KDM1A: variants seen among roughly 807,000 people sequenced by gnomAD.
KDM1A encodes lysine-specific histone demethylase 1A.
In KDM1A, 49 loss-of-function variants were observed where a neutral mutation model predicts 109.4. That is an observed-to-expected ratio of 0.45 (90% confidence interval 0.36 to 0.57). The LOEUF is 0.57. Among genes scored for constraint, KDM1A ranks in the 20% least tolerant of loss-of-function variants. KDM1A has a pLI of 0.00. For missense variants in KDM1A, 668 were observed against 1,116.6 expected (o/e 0.60, Z 5.73); for synonymous variants, 380 against 415.4 (o/e 0.91, Z 1.04).
intron 14 of KDM1A, among the ~76,000 whole-genome samples, chr1:23,072,919 C>T (rs1457366073): frequency 2.6e-5 from 4 of 152,204 alleles, no homozygotes; most frequent in Admixed American, 2.6e-4. Flanking sequence ...GGATTACAGG[C>T]ATGAGCCACA....
chr1:23,069,306 G>C (rs1363615539), intron 12 of KDM1A, among the ~76,000 whole-genome samples, 155 bp downstream of exon 12: 6 of 152,160 alleles, frequency 3.9e-5, no homozygotes, highest in Non-Finnish European at 5.9e-5. Flanking sequence ...TAACGAAAGA[G>C]ACTGTTTTAT....
rs1643567411 is a variant in KDM1A at position 23,079,814 on chromosome 1, T to C, written c.2170+147T>C. On this transcript the variant is annotated intron_variant, in intron 18 of 20. Transcript: ENST00000400181. The surrounding 1 kb of genome is among the most constrained non-coding windows in gnomAD (Gnocchi z 5.6). ...CTGAAATACCTTCTAGGTACTGGGGTATAAAAATACCTGCCTTCAAGGAGC... is the reference window on the plus strand; with the variant it reads ...CTGAAATACCTTCTAGGTACTGGGGCATAAAAATACCTGCCTTCAAGGAGC... The C allele has an allele frequency of 2.8e-5, 14 of 506,164 alleles. No homozygotes were observed. In the East Asian group the frequency reaches 5.3e-4, roughly 19 times the overall value. The allele number at this position is 506,164 out of a possible 1,614,324, so 31.4% of individuals were successfully genotyped here.
In KDM1A at chr1:23,036,317, G is replaced by A. The variant is rs115790270; in HGVS notation, c.517+5683G>A. Among the ~76,000 whole-genome samples the A allele has an allele frequency of 2.6e-3, 401 of 152,138 alleles. 2 individuals carry two copies. Among genetic ancestry groups the A allele is most frequent in the African/African-American group, 9.2e-3 (383 of 41,506 alleles). On this transcript the variant is annotated intron_variant, in intron 2 of 20. Coordinates refer to ENST00000400181, the MANE Select transcript of KDM1A (RefSeq NM_001009999.3). ...AGTGACTAGGGAGTTCATTCCTGAC[G>A]GGGTTGTCTGTGTTGTCATTTTGAC...
chr1:23,030,766 C>A, intron 2 of KDM1A, 132 bp downstream of exon 2: 1 of 910,378 alleles, frequency 1.1e-6, no homozygotes, highest in Non-Finnish European at 1.6e-6. Flanking sequence ...AGTCTCCTGC[C>A]ATGTGTGTCT....
chr1:23,023,728 A>G (rs1318650026), intron 1 of KDM1A, among the ~76,000 whole-genome samples: 1 of 152,226 alleles, frequency 6.6e-6, no homozygotes, highest in East Asian at 1.9e-4. Flanking sequence ...TTCTGCAAAA[A>G]GGGCTGCTGG....
chr1:23,048,662 A>AT (rs1419703978), intron 3 of KDM1A, among the ~76,000 whole-genome samples: 4 of 151,840 alleles, frequency 2.6e-5, no homozygotes, highest in African/African-American at 7.3e-5. Context: ...GTTAAACATG[A>AT]TTTTTTTCTA....
chr1:23,072,566 A>ACC (rs1643350941), intron 14 of KDM1A, among the ~76,000 whole-genome samples: 1 of 152,202 alleles, frequency 6.6e-6, no homozygotes, highest in South Asian at 2.1e-4. Context: ...TGGGTTTTTG[A>ACC]CAGTGAATGC....
intron 6 of KDM1A, among the ~76,000 whole-genome samples, chr1:23,055,663 G>A (rs573537983): frequency 2.0e-5 from 3 of 152,276 alleles, no homozygotes; most frequent in Admixed American, 6.5e-5. Flanking sequence ...AAGAATCACA[G>A]ATACTGAAAC....
intron 10 of KDM1A, among the ~76,000 whole-genome samples, chr1:23,067,527 C>T (rs1462094400): frequency 6.6e-6 from 1 of 152,138 alleles, no homozygotes; most frequent in Non-Finnish European, 1.5e-5. Context: ...TGTAAAAGGT[C>T]GCTCCTCCTG....
rs771785554 is a variant in KDM1A at position 23,059,037 on chromosome 1, G to A, written c.1073-36G>A. 44 of 1,355,528 alleles carry A rather than the reference G, an allele frequency of 3.2e-5. No individual in the cohort carries two copies. The Admixed American group carries it at 3.6e-4, about 11-fold the overall frequency. The allele number at this position is 1,355,528 out of a possible 1,614,324, so 84.0% of individuals were successfully genotyped here. ...TTAAGGTTTTTGTTCTCTCTTCATA[G>A]GTCTATTGAATTTAATTGCTTGAGT... On this transcript the variant is annotated intron_variant, in intron 8 of 20. Coordinates refer to ENST00000400181, the MANE Select transcript of KDM1A (RefSeq NM_001009999.3).
intron 4 of KDM1A, among the ~76,000 whole-genome samples, chr1:23,052,604 G>T (rs1642705716): frequency 1.3e-5 from 2 of 152,174 alleles, no homozygotes; most frequent in South Asian, 4.1e-4. Flanking sequence ...ACTTTGAAGA[G>T]AATTCATTTT....
intron 9 of KDM1A, among the ~76,000 whole-genome samples, chr1:23,063,803 C>T (rs1643086946): frequency 1.3e-5 from 2 of 152,184 alleles, no homozygotes; most frequent in South Asian, 4.1e-4. Context: ...CTTTTCCATA[C>T]ACTCTAATCA....
At chr1:23,060,901 G>A (rs1642980126) in intron 9 of KDM1A, among the ~76,000 whole-genome samples, 1 of 152,136 alleles carries the variant, frequency 6.6e-6, no homozygotes, top group Non-Finnish European at 1.5e-5. Flanking sequence ...AGGGAAGCAA[G>A]TCTCCAGAGT....
intron 9 of KDM1A, among the ~76,000 whole-genome samples, chr1:23,065,282 G>T (rs2235549): frequency 0.75 from 113,818 of 152,036 alleles, 43,481 homozygotes; most frequent in Non-Finnish European, 0.83. Flanking sequence ...GTAGTTTGGG[G>T]TTGTTGGGAT....
intron 2 of KDM1A, among the ~76,000 whole-genome samples, chr1:23,031,952 A>C (rs1641994798): frequency 6.6e-6 from 1 of 152,220 alleles, no homozygotes; most frequent in South Asian, 2.1e-4. Context: ...CTGCCTTTTT[A>C]CTTTACACCT....
intron 3 of KDM1A, among the ~76,000 whole-genome samples, chr1:23,046,436 C>T (rs145523078): frequency 1.3e-3 from 202 of 152,104 alleles, no homozygotes; most frequent in Non-Finnish European, 2.5e-3. Context: ...TTTATTTTCA[C>T]GCTAGAAATC....
At chr1:23,028,282 A>G (rs530878852) in intron 1 of KDM1A, among the ~76,000 whole-genome samples, 22 of 152,206 alleles carry the variant, frequency 1.4e-4, no homozygotes, top group African/African-American at 5.1e-4. Context: ...TGCCTGCCTC[A>G]GCCTCCCAAA....
At chr1:23,067,699 C>T (rs1197899935) in intron 10 of KDM1A, among the ~76,000 whole-genome samples, 1 of 152,202 alleles carries the variant, frequency 6.6e-6, no homozygotes, top group Admixed American at 6.5e-5. Context: ...TTTTCTTTCT[C>T]TCACTTCTGC....
chr1:23,074,952 T>C (rs1476846456), intron 15 of KDM1A, among the ~76,000 whole-genome samples: 1 of 152,240 alleles, frequency 6.6e-6, no homozygotes, highest in African/African-American at 2.4e-5. Context: ...TTTTTGAAAT[T>C]GTTTTGGCTA....
Sources: gnomAD v4.1 joint callset for allele counts (sites outside exome capture counted in the v4.1 genomes callset) on GRCh38, gnomAD v4.1.1 for gene constraint, Gnocchi (gnomAD v3.1) non-coding constraint, MANE v1.5 for transcripts, NCBI Gene and HGNC (gene_info 2026-07-23, HGNC 2026-07-21) for gene names.